KITLG: variants seen among roughly 807,000 people sequenced by gnomAD.
KITLG encodes c-Kit ligand.
Under a neutral mutation model 34.1 loss-of-function variants are expected in KITLG, and 13 were observed. The observed-to-expected ratio is 0.38, with a 90% CI of 0.25 to 0.61. The LOEUF is 0.61. Among genes scored for constraint, KITLG ranks in the 20% least tolerant of loss-of-function variants. The pLI is 0.60. For missense variants in KITLG, 292 were observed against 318.9 expected, an observed-to-expected ratio of 0.92 and a Z score of 0.64; for synonymous variants, 110 against 104.0, an observed-to-expected ratio of 1.06 and a Z score of -0.35.
chr12:88,575,772 A>T (rs1871805599), intron 1 of KITLG, among the ~76,000 whole-genome samples: 1 of 152,208 alleles, frequency 6.6e-6, no homozygotes, highest in Non-Finnish European at 1.5e-5. Context: ...AAGATAAAAG[A>T]TCACTCTTCA....
rs78943828 is a variant in KITLG at position 88,530,676 on chromosome 12, C to T, written c.192+1765G>A. Among the ~76,000 whole-genome samples the T allele has an allele frequency of 1.9e-3, 293 of 152,134 alleles. 5 individuals are homozygous for T. In the East Asian group the frequency reaches 0.049, roughly 25 times the overall value. On this transcript the variant is annotated intron_variant, in intron 3 of 9. Transcript: ENST00000644744. The stretch of plus-strand genomic sequence containing the variant: ...AACTTTCAGGCTGCTAATAATTTTC[C>T]ATTTCTATTTCCAGAGAACTCCCCC...
rs967156641 is a variant in KITLG at position 88,565,161 on chromosome 12, A to G, written c.15+15103T>C. Among the ~76,000 whole-genome samples, 23 of 152,362 alleles carry G rather than the reference A, an allele frequency of 1.5e-4. 1 individual carries two copies. The highest frequency in any genetic ancestry group is 6.8e-3 in the Middle Eastern group (2 of 294). ...AACTCCTTTTAGACAAAGACTATAC[A>G]TCTCAGTATCCAAAACTACACAACA... On this transcript the variant is annotated intron_variant, in intron 1 of 9. Transcript: ENST00000644744.
intron 1 of KITLG, among the ~76,000 whole-genome samples, chr12:88,557,220 T>G (rs1345156186): frequency 2.0e-5 from 3 of 152,092 alleles, no homozygotes; most frequent in Non-Finnish European, 2.9e-5. Flanking sequence ...CAGAGCCAGG[T>G]GAGCTCAGAA....
intron 1 of KITLG, among the ~76,000 whole-genome samples, chr12:88,566,278 G>GA (rs1425819062): frequency 6.6e-6 from 1 of 152,182 alleles, no homozygotes; most frequent in African/African-American, 2.4e-5. Context: ...AATGCTGACA[G>GA]GTGGATGTTG....
chr12:88,510,745 C>T (rs1000277124), intron 6 of KITLG, among the ~76,000 whole-genome samples: 1 of 152,128 alleles, frequency 6.6e-6, no homozygotes, highest in Non-Finnish European at 1.5e-5. Context: ...TACACACTCA[C>T]ATCTCTGTAA....
intron 1 of KITLG, among the ~76,000 whole-genome samples, chr12:88,554,312 G>T (rs868163615): frequency 7.9e-5 from 12 of 152,124 alleles, no homozygotes; most frequent in Admixed American, 1.3e-4. Flanking sequence ...ATGAATATGA[G>T]AAGTGATTTT....
At chr12:88,558,875 C>T (rs977277232) in intron 1 of KITLG, among the ~76,000 whole-genome samples, 7 of 152,024 alleles carry the variant, frequency 4.6e-5, no homozygotes, top group Admixed American at 1.3e-4. Context: ...AGATATACAA[C>T]GTTGTATTTG....
intron 9 of KITLG, among the ~76,000 whole-genome samples, chr12:88,498,701 C>T (rs868819326): frequency 2.0e-5 from 3 of 152,020 alleles, no homozygotes; most frequent in Non-Finnish European, 4.4e-5. Flanking sequence ...ATGGTGAAAC[C>T]CTGTCTCTAC....
At chr12:88,568,280 CATTTATTTATTTATTTATTTATTTATTT>C (rs59218602) in intron 1 of KITLG, among the ~76,000 whole-genome samples, 9 of 147,110 alleles carry the variant, frequency 6.1e-5, no homozygotes, top group Admixed American at 5.4e-4. Flanking sequence ...CATATTATCT[CATTTATTTATTTATTTATTTATTTATTT>C]ATTTATTTAT....
rs1374096353 is a variant in KITLG, at chr12:88,496,088, G to C, written c.*1131C>G. On this transcript the variant is annotated 3_prime_UTR_variant, in exon 10 of 10. Coordinates refer to ENST00000644744, the MANE Select transcript of KITLG (RefSeq NM_000899.5). ...ATTCATAAACCTTAATGAATATAGA[G>C]TGCCCGATTTTAACTAAATGGATCC... 1.3e-5 allele frequency: 2 copies of C among 152,058 alleles called. No homozygotes were observed. Among genetic ancestry groups the C allele is most frequent in the Non-Finnish European group, 2.9e-5 (2 of 68,016 alleles). 9.4% of individuals were successfully genotyped at this position (152,058 alleles called of 1,614,324 possible).
intron 2 of KITLG, among the ~76,000 whole-genome samples, chr12:88,535,241 A>C (rs914676577): frequency 6.6e-5 from 10 of 151,928 alleles, no homozygotes; most frequent in African/African-American, 2.4e-4. Context: ...AAAACACTGA[A>C]ATCTACATTC....
At chr12:88,553,415 T>C (rs1870987560) in intron 1 of KITLG, among the ~76,000 whole-genome samples, 1 of 152,180 alleles carries the variant, frequency 6.6e-6, no homozygotes, top group African/African-American at 2.4e-5. Flanking sequence ...CTAAAATGTA[T>C]CTTTTCAGTT....
intron 1 of KITLG, among the ~76,000 whole-genome samples, chr12:88,576,104 A>C (rs1871814772): frequency 6.6e-6 from 1 of 152,342 alleles, no homozygotes; most frequent in Non-Finnish European, 1.5e-5. Flanking sequence ...AGGAGAACTT[A>C]GCAAGAGTGT....
At chr12:88,516,246 C>T in intron 5 of KITLG, 88 bp downstream of exon 5, 1 of 1,111,212 alleles carries the variant, frequency 9.0e-7, no homozygotes, top group Non-Finnish European at 1.4e-6. Flanking sequence ...TATCTTGCTA[C>T]AGCTTAACAC....
intron 1 of KITLG, among the ~76,000 whole-genome samples, chr12:88,548,636 G>A (rs1379603852): frequency 6.6e-6 from 1 of 152,038 alleles, no homozygotes; most frequent in East Asian, 1.9e-4. Flanking sequence ...GCTTTTTAGG[G>A]ATATGGCATG....
chr12:88,563,818 T>A (rs568059521), intron 1 of KITLG, among the ~76,000 whole-genome samples: 1 of 152,142 alleles, frequency 6.6e-6, no homozygotes, highest in East Asian at 1.9e-4. Flanking sequence ...AAAAATTAGC[T>A]GGGCATGGTG....
At chr12:88,508,168 C>T (rs567428363) in intron 6 of KITLG, among the ~76,000 whole-genome samples, 4 of 151,038 alleles carry the variant, frequency 2.6e-5, no homozygotes, top group African/African-American at 9.7e-5. Flanking sequence ...GCCTGGGCAA[C>T]AGAGCAAGAC....
intron 1 of KITLG, among the ~76,000 whole-genome samples, chr12:88,546,585 T>C (rs902789243): frequency 3.3e-5 from 5 of 152,178 alleles, no homozygotes; most frequent in Admixed American, 1.3e-4. Context: ...GACTTATTTT[T>C]CCTTATTACA....
At chr12:88,528,144 T>C (rs1292443491) in intron 3 of KITLG, among the ~76,000 whole-genome samples, 7 of 152,166 alleles carry the variant, frequency 4.6e-5, no homozygotes, top group Non-Finnish European at 8.8e-5. Flanking sequence ...GGAAAAATCA[T>C]TTTCTTTGCC....
Sources: gnomAD v4.1 joint callset for allele counts (sites outside exome capture counted in the v4.1 genomes callset) on GRCh38, gnomAD v4.1.1 for gene constraint, MANE v1.5 for transcripts, NCBI Gene and HGNC (gene_info 2026-07-23, HGNC 2026-07-21) for gene names.